Variants in FSTL5 observed in about 807,000 individuals in gnomAD.
FSTL5 encodes the protein follistatin like 5.
Under a neutral mutation model 89.1 loss-of-function variants are expected in FSTL5, and 62 were observed. That is an observed-to-expected ratio of 0.70 (90% CI 0.57 to 0.86). The LOEUF (loss-of-function observed/expected upper bound fraction) is 0.86, where lower values mean the gene tolerates loss of function less well. Among genes scored for constraint, FSTL5 ranks in the 40% least tolerant of loss-of-function variants. The pLI is 0.00. For missense variants in FSTL5, 1,057 were observed against 1,001.6 expected (o/e 1.06, Z -0.75); for synonymous variants, 383 against 346.2 (o/e 1.11, Z -1.18).
At chr4:161,963,410 G>T (rs1458354358) in intron 3 of FSTL5, among the ~76,000 whole-genome samples, 2 of 151,924 alleles carry the variant, frequency 1.3e-5, no homozygotes, top group Non-Finnish European at 2.9e-5. Context: ...CAATTGCAAG[G>T]TTATCTATTG....
rs758003060 is a variant in FSTL5, at chr4:161,775,960, C to T, written c.524G>A (p.Arg175Gln). Residue 175 changes from arginine (R) to glutamine (Q), a missense_variant, in exon 5 of 16, where the codon CGG becomes CAG. Around this residue, in one of 3 missense-constraint regions of FSTL5, gnomAD observed 980 missense variants for 903.2 expected, o/e 1.08. Transcript: ENST00000306100. ...CATTTGATCCACCAATAGCTTCTTC[C>T]GAGATATGTCGTCGCCATTAGGATT... ...NENPNGDDIS[R>Q]KKLLVDQMFK... 8.1e-6 allele frequency: 13 copies of T among 1,607,002 alleles called. No individual in the cohort carries two copies. The highest frequency in any genetic ancestry group is 1.1e-5 in the Non-Finnish European group (13 of 1,176,050).
chr4:161,712,836 ACC>A (rs776084641), intron 6 of FSTL5, among the ~76,000 whole-genome samples: 1 of 151,172 alleles, frequency 6.6e-6, no homozygotes, highest in African/African-American at 2.4e-5. Flanking sequence ...TTGACCCCTC[ACC>A]CCCCTCTCTC....
rs76566419 is a variant in FSTL5, at chr4:161,731,034, C to T, written c.727+28377G>A. Among the ~76,000 whole-genome samples, 791 of 152,244 alleles carry T rather than the reference C, an allele frequency of 5.2e-3. 4 individuals are homozygous for T. The highest frequency in any genetic ancestry group is 0.018 in the African/African-American group (750 of 41,540). On this transcript the variant is annotated intron_variant, in intron 6 of 15. Coordinates refer to ENST00000306100, the MANE Select transcript of FSTL5 (RefSeq NM_020116.5). The stretch of plus-strand genomic sequence containing the variant: ...TATTTTTTATTATAGATCTTTAAAA[C>T]ACTTGTAGTTACCAGTCACTATCAA...
At chr4:162,033,856 T>C (rs972319918) in intron 2 of FSTL5, among the ~76,000 whole-genome samples, 198 bp from the exon 3 acceptor site, 6 of 152,152 alleles carry the variant, frequency 3.9e-5, no homozygotes, top group Admixed American at 2.6e-4. Context: ...TGGAGTGCAA[T>C]GGCATGAACA....
At chr4:161,544,948 T>C (rs1731956795) in intron 8 of FSTL5, among the ~76,000 whole-genome samples, 1 of 151,994 alleles carries the variant, frequency 6.6e-6, no homozygotes, top group Admixed American at 6.6e-5. Flanking sequence ...CTTTTTTCAA[T>C]TATATAATCA....
intron 7 of FSTL5, among the ~76,000 whole-genome samples, chr4:161,651,423 C>T (rs1736338809): frequency 6.6e-6 from 1 of 151,632 alleles, no homozygotes; most frequent in African/African-American, 2.4e-5. Context: ...CTGTGAATTC[C>T]CAATCTTTCT....
intron 1 of FSTL5, among the ~76,000 whole-genome samples, chr4:162,112,642 T>C (rs1438140391): frequency 6.6e-6 from 1 of 152,076 alleles, no homozygotes; most frequent in Non-Finnish European, 1.5e-5. Context: ...CTCCTCTACT[T>C]TCTGAATTTC....
chr4:161,748,532 T>C (rs978727052), intron 6 of FSTL5, among the ~76,000 whole-genome samples: 1 of 151,520 alleles, frequency 6.6e-6, no homozygotes, highest in Non-Finnish European at 1.5e-5. Flanking sequence ...CCATGTGGTA[T>C]ATAAGGTTGT....
chr4:162,054,841 G>T (rs1050430727), intron 2 of FSTL5, among the ~76,000 whole-genome samples: 1 of 151,868 alleles, frequency 6.6e-6, no homozygotes, highest in Non-Finnish European at 1.5e-5. Flanking sequence ...TCCTCTGGGA[G>T]AGGAGGAGCC....
intron 3 of FSTL5, among the ~76,000 whole-genome samples, chr4:161,998,857 A>AACACACACAC (rs10585971): frequency 5.4e-4 from 79 of 146,472 alleles, no homozygotes; most frequent in African/African-American, 1.3e-3. Flanking sequence ...ACACACACAC[A>AACACACACAC]ACACACACAC....
chr4:161,625,978 A>C (rs570153309), intron 7 of FSTL5, among the ~76,000 whole-genome samples: 92 of 152,250 alleles, frequency 6.0e-4, no homozygotes, highest in African/African-American at 2.2e-3. Context: ...AGATATATGA[A>C]AGCACAGAGA....
intron 7 of FSTL5, among the ~76,000 whole-genome samples, chr4:161,652,584 A>G (rs1463467045): frequency 6.6e-6 from 1 of 152,154 alleles, no homozygotes; most frequent in African/African-American, 2.4e-5. Context: ...AAAATTATAT[A>G]TGCAATGCAT....
At chr4:161,938,055 C>T in intron 3 of FSTL5, among the ~76,000 whole-genome samples, 1 of 152,120 alleles carries the variant, frequency 6.6e-6, no homozygotes, top group East Asian at 1.9e-4. Flanking sequence ...TTATACTCTT[C>T]CTTACATCAC....
intron 6 of FSTL5, among the ~76,000 whole-genome samples, chr4:161,665,860 C>CA (rs1433699483): frequency 1.4e-5 from 2 of 147,938 alleles, no homozygotes; most frequent in African/African-American, 5.0e-5. Context: ...GAGTGGACAG[C>CA]AAAAAAATAA....
chr4:161,639,759 G>C (rs1051099351), intron 7 of FSTL5, among the ~76,000 whole-genome samples: 5 of 152,132 alleles, frequency 3.3e-5, no homozygotes, highest in African/African-American at 9.7e-5. Flanking sequence ...CTTGCACACA[G>C]CTTACAGGAG....
chr4:161,391,003 C>T (rs1255805526), intron 15 of FSTL5, among the ~76,000 whole-genome samples: 4 of 152,106 alleles, frequency 2.6e-5, no homozygotes, highest in Non-Finnish European at 4.4e-5. Flanking sequence ...AACAAGCCTT[C>T]GCACGCGCAT....
At chr4:162,153,658 T>TATA (rs1382237923) in intron 1 of FSTL5, among the ~76,000 whole-genome samples, 62 of 122,532 alleles carry the variant, frequency 5.1e-4, no homozygotes, top group Non-Finnish European at 8.6e-4. Flanking sequence ...TATATATGTA[T>TATA]ATAATATATG....
At chr4:161,660,213 G>A (rs1736660036) in intron 6 of FSTL5, among the ~76,000 whole-genome samples, 1 of 152,134 alleles carries the variant, frequency 6.6e-6, no homozygotes, top group Non-Finnish European at 1.5e-5. Flanking sequence ...GGGAAGTCAA[G>A]AGGCAAGTAA....
chr4:161,596,559 T>C (rs895362764), intron 7 of FSTL5, among the ~76,000 whole-genome samples: 1 of 152,098 alleles, frequency 6.6e-6, no homozygotes, highest in Non-Finnish European at 1.5e-5. Flanking sequence ...ATTGATATGT[T>C]CTCTTCTTGA....
Sources: allele counts gnomAD v4.1 joint callset (sites outside exome capture counted in the v4.1 genomes callset), GRCh38; gene constraint gnomAD v4.1.1; regional missense constraint gnomAD v4.1.1; transcripts MANE v1.5; gene names NCBI Gene and HGNC (gene_info 2026-07-23, HGNC 2026-07-21).